The following PPDPFL variants were observed in gnomAD, a reference collection of about 807,000 sequenced individuals.
PPDPFL encodes pancreatic progenitor cell differentiation and proliferation factor-like protein.
PPDPFL carries 12 observed loss-of-function variants against 12.6 expected under a neutral mutation model. The ratio of observed to expected loss-of-function variants is 0.95; its 90% CI spans 0.61 to 1.54. The LOEUF (loss-of-function observed/expected upper bound fraction) is 1.54, where lower values mean the gene tolerates loss of function less well. Ranked by LOEUF, PPDPFL falls within the 40% of genes most tolerant of loss-of-function variation. The probability of loss-of-function intolerance (pLI) is 0.00; values close to 1 mark genes in which losing one functional copy is unlikely to be tolerated. For synonymous variants in PPDPFL, 24 were observed against 32.7 expected, an observed-to-expected ratio of 0.73 and a Z score of 0.91; for missense variants, 114 against 96.0, an observed-to-expected ratio of 1.19 and a Z score of -0.78.
At chr8:49,063,581 A>C (rs1224692794) in intron 1 of PPDPFL, among the ~76,000 whole-genome samples, 1 of 152,048 alleles carries the variant, frequency 6.6e-6, no homozygotes, top group Non-Finnish European at 1.5e-5. Flanking sequence ...TTAGCTAGGC[A>C]TGGTGGTGTG....
intron 1 of PPDPFL, among the ~76,000 whole-genome samples, chr8:49,065,451 G>A (rs1173249081): frequency 6.6e-6 from 1 of 152,212 alleles, no homozygotes; most frequent in Non-Finnish European, 1.5e-5. Context: ...TGGCAGCCAG[G>A]CAGGAGAGAT....
At chr8:49,060,252 T>G (rs537244621) in intron 1 of PPDPFL, among the ~76,000 whole-genome samples, 1 of 151,790 alleles carries the variant, frequency 6.6e-6, no homozygotes, top group Non-Finnish European at 1.5e-5. Flanking sequence ...TATCCCTATG[T>G]TATTAAAAAT....
In PPDPFL at chr8:49,072,900, C is replaced by G; in HGVS notation, c.55+15C>G. 1 of 1,596,708 alleles carries G rather than the reference C, an allele frequency of 6.3e-7. No homozygotes were observed. The highest frequency in any genetic ancestry group is 8.6e-7 in the Non-Finnish European group (1 of 1,169,222). On this transcript the variant is annotated intron_variant, in intron 2 of 4. Transcript: ENST00000522267. ...GTATTATCGAAGTAAGTTGCATCAT[C>G]ATAGAGACGTCCCTAGATAATATGA...
chr8:49,055,315 GTTGC>G (rs1456341846), intron 1 of PPDPFL, among the ~76,000 whole-genome samples: 1 of 152,114 alleles, frequency 6.6e-6, no homozygotes, highest in East Asian at 1.9e-4. Context: ...CACTGAGGCA[GTTGC>G]AAGGTCCTCC....
chr8:49,072,857 C>T lies in PPDPFL; in HGVS notation c.27C>T (p.Cys9=), dbSNP rs1733980302. The T allele has an allele frequency of 1.2e-6, 2 of 1,606,562 alleles. No homozygotes were observed. The highest frequency in any genetic ancestry group is 8.5e-7 in the Non-Finnish European group (1 of 1,177,046). The change falls in exon 2 of 5, where the codon TGC becomes TGT. Residue 9 remains cysteine, a synonymous_variant. Coordinates refer to ENST00000522267, the MANE Select transcript of PPDPFL (RefSeq NM_001256597.2). ...TGGCATCCGTACCTTCCATTGGTTG[C>T]CTTCTAGCCAGAAATCAGTATTATC... MASVPSIG[C]LLARNQYYRK...
upstream of PPDPFL, among the ~76,000 whole-genome samples, chr8:49,068,111 G>A (rs920769652): frequency 6.6e-6 from 1 of 152,198 alleles, no homozygotes; most frequent in Non-Finnish European, 1.5e-5. Context: ...AAGAAGGGAT[G>A]CATTAGTTTT....
intron 1 of PPDPFL, among the ~76,000 whole-genome samples, chr8:49,067,102 T>C (rs772645055): frequency 2.0e-5 from 3 of 152,180 alleles, no homozygotes; most frequent in Non-Finnish European, 4.4e-5. Context: ...TTCAGAGAAA[T>C]ATAAAATTTA....
intron 1 of PPDPFL, among the ~76,000 whole-genome samples, chr8:49,057,041 C>G (rs1240895582): frequency 2.0e-5 from 3 of 152,128 alleles, no homozygotes; most frequent in Admixed American, 2.0e-4. Flanking sequence ...ATTATTATTG[C>G]AAACTTGGTA....
intron 1 of PPDPFL, among the ~76,000 whole-genome samples, chr8:49,065,670 T>C (rs1433106490): frequency 2.0e-5 from 3 of 152,174 alleles, no homozygotes; most frequent in Admixed American, 6.5e-5. Flanking sequence ...CAATGTAAGT[T>C]AGGGCATGTG....
At position 49,074,119 on chromosome 8, in the gene PPDPFL, A is replaced by T. The variant is rs372682115; in HGVS notation, c.116A>T (p.Asp39Val). 108 of 1,612,454 alleles carry T rather than the reference A, an allele frequency of 6.7e-5. No homozygotes were observed. Among genetic ancestry groups the T allele is most frequent in the Non-Finnish European group, 8.9e-5 (105 of 1,178,664 alleles). ...TSSDSVNFIDDDKPQQGLPEV... is the reference protein window; with the variant it reads ...TSSDSVNFIDVDKPQQGLPEV... ...TCTGATTCTGTTAACTTCATAGATG[A>T]CGACAAACCACAGCAAGGTACTTAG... The change falls in exon 3 of 5, where the codon GAC becomes GTC. Residue 39 changes from aspartate (D) to valine (V), a missense_variant. By Grantham distance (152) the Asp-to-Val change is radical (BLOSUM62 -3). Transcript: ENST00000522267.
At chr8:49,066,061 A>C (rs916430567) in intron 1 of PPDPFL, among the ~76,000 whole-genome samples, 21 of 152,264 alleles carry the variant, frequency 1.4e-4, no homozygotes, top group Non-Finnish European at 2.9e-5. Context: ...AAAGAAGTCC[A>C]CGCCAAGTGG....
upstream of PPDPFL, among the ~76,000 whole-genome samples, chr8:49,067,650 A>T (rs141773200): frequency 4.5e-4 from 68 of 152,346 alleles, no homozygotes; most frequent in East Asian, 0.012. Context: ...AATGTCAATA[A>T]ATTTAGAAAG....
upstream of PPDPFL, among the ~76,000 whole-genome samples, chr8:49,071,564 G>C (rs1038619026): frequency 1.3e-5 from 2 of 152,108 alleles, no homozygotes; most frequent in African/African-American, 4.8e-5. Flanking sequence ...GCTGAGGCAG[G>C]AGAATGGCGT....
At chr8:49,054,883 T>A (rs1808088665) in intron 1 of PPDPFL, among the ~76,000 whole-genome samples, 1 of 152,168 alleles carries the variant, frequency 6.6e-6, no homozygotes, top group Non-Finnish European at 1.5e-5. Context: ...CCTTATAATC[T>A]TGTAGGGCAG....
intron 4 of PPDPFL, 112 bp downstream of exon 4, chr8:49,074,445 T>C (rs1461859056): frequency 1.3e-6 from 2 of 1,552,304 alleles, no homozygotes; most frequent in Non-Finnish European, 1.7e-6. Flanking sequence ...TTGAGAGCAG[T>C]GAGCCTTGCC....
intron 4 of PPDPFL, 148 bp from the exon 5 acceptor site, chr8:49,075,004 A>G: frequency 1.4e-6 from 2 of 1,393,432 alleles, no homozygotes; most frequent in Non-Finnish European, 1.9e-6. Context: ...TAGAATCATT[A>G]TTTAAAGTAT....
In PPDPFL at chr8:49,074,042, T is replaced by A; in HGVS notation, c.56-17T>A. On this transcript the variant is annotated splice_polypyrimidine_tract_variant and intron_variant, in intron 2 of 4. Transcript: ENST00000522267. ...TTGCCAGTTATTTATTTGTTTAATA[T>A]CATTTGTTTCCTACAGAGTCCAGTG... is the stretch of plus-strand genomic sequence containing the variant. 3.8e-6 allele frequency: 6 copies of A among 1,566,966 alleles called. No individual in the cohort carries two copies. Among genetic ancestry groups the A allele is most frequent in the Non-Finnish European group, 4.4e-6 (5 of 1,140,504 alleles).
rs751569513 is a variant in PPDPFL, at chr8:49,074,049, T to C, written c.56-10T>C. The C allele has an allele frequency of 3.1e-6, 5 of 1,592,952 alleles. No homozygotes were observed. In the Admixed American group the frequency reaches 8.4e-5, roughly 27 times the overall value. The stretch of plus-strand genomic sequence containing the variant: ...TTATTTATTTGTTTAATATCATTTG[T>C]TTCCTACAGAGTCCAGTGTTTCTTC... On this transcript the variant is annotated splice_polypyrimidine_tract_variant and intron_variant, in intron 2 of 4. Transcript: ENST00000522267.
chr8:49,061,846 C>T (rs1284418536), intron 1 of PPDPFL, among the ~76,000 whole-genome samples: 4 of 152,134 alleles, frequency 2.6e-5, no homozygotes, highest in African/African-American at 4.8e-5. Flanking sequence ...AAGGCCTCTC[C>T]GGGCAAAAAC....
Sources: allele counts gnomAD v4.1 joint callset (sites outside exome capture counted in the v4.1 genomes callset), GRCh38; gene constraint gnomAD v4.1.1; transcripts MANE v1.5; gene names NCBI Gene and HGNC (gene_info 2026-07-23, HGNC 2026-07-21).